Variants in PRKDC observed in about 807,000 individuals in gnomAD.
PRKDC encodes the protein DNA-dependent protein kinase catalytic subunit.
A neutral mutation model predicts 486.9 loss-of-function variants in PRKDC; 82 were observed. The observed-to-expected ratio is 0.17, with a 90% confidence interval of 0.14 to 0.20. The LOEUF is 0.20. Among genes scored for constraint, PRKDC ranks in the 10% least tolerant of loss-of-function variants. The pLI is 1.00. For missense variants in PRKDC, 4,504 were observed against 5,038.2 expected (o/e 0.89, Z 3.21); for synonymous variants, 1,895 against 1,837.0 (o/e 1.03, Z -0.81).
chr8:47,952,490 A>T (rs1414436825), intron 7 of PRKDC, among the ~76,000 whole-genome samples: 3 of 152,230 alleles, frequency 2.0e-5, no homozygotes, highest in African/African-American at 7.2e-5. Flanking sequence ...CTAAGTCAGT[A>T]GCACATTGGG....
intron 21 of PRKDC, among the ~76,000 whole-genome samples, chr8:47,919,819 T>C (rs1006372707): frequency 6.6e-6 from 1 of 151,926 alleles, no homozygotes; most frequent in South Asian, 2.1e-4. Context: ...GCATTTTCTA[T>C]GTCTGTTGGG....
intron 4 of PRKDC, among the ~76,000 whole-genome samples, chr8:47,955,384 C>A (rs1349804450): frequency 6.9e-5 from 10 of 144,550 alleles, no homozygotes; most frequent in African/African-American, 2.3e-4. Context: ...ATGGCGTGAA[C>A]CCGGGAGGCG....
intron 21 of PRKDC, among the ~76,000 whole-genome samples, chr8:47,919,463 A>G (rs552049049): frequency 6.6e-6 from 1 of 152,354 alleles, no homozygotes; most frequent in African/African-American, 2.4e-5. Context: ...CTGCAGAGTC[A>G]TAGTTCTACA....
At chr8:47,898,259 A>C (rs2089616824) in intron 29 of PRKDC, among the ~76,000 whole-genome samples, 3 of 152,248 alleles carry the variant, frequency 2.0e-5, no homozygotes, top group African/African-American at 7.2e-5. Flanking sequence ...AACCCAGATC[A>C]AATACCTTAT....
In PRKDC at chr8:47,900,440, A is replaced by C; in HGVS notation, c.3297T>G (p.Phe1099Leu). The change falls in exon 28 of 86, where the codon TTT becomes TTG. Residue 1099 changes from phenylalanine to leucine, a missense_variant. Physicochemically the swap from Phe to Leu is conservative, Grantham distance 22. Around this residue, in one of 6 missense-constraint regions of PRKDC, gnomAD observed 1,969 missense variants for 2,068.9 expected, o/e 0.95. Transcript: ENST00000314191. Reference sequence around the variant, plus strand: ...TGTATATCACCAAGGCTTCAAACACAAACTGTTCCACCAGAGACTCTTCTT... The same window carrying C: ...TGTATATCACCAAGGCTTCAAACACCAACTGTTCCACCAGAGACTCTTCTT... ...FREEESLVEQFVFEALVIYME... is the reference protein window; with the variant it reads ...FREEESLVEQLVFEALVIYME... 2 of 1,610,956 alleles carry C rather than the reference A, an allele frequency of 1.2e-6. No homozygotes were observed. Among genetic ancestry groups the C allele is most frequent in the Non-Finnish European group, 1.7e-6 (2 of 1,178,650 alleles).
chr8:47,906,052 G>T (rs1266393078), intron 25 of PRKDC, among the ~76,000 whole-genome samples: 1 of 152,212 alleles, frequency 6.6e-6, no homozygotes, highest in African/African-American at 2.4e-5. Context: ...CATTATACAT[G>T]AGAGTAAAAT....
chr8:47,878,246 C>A (rs959699100), intron 39 of PRKDC, among the ~76,000 whole-genome samples: 5 of 151,886 alleles, frequency 3.3e-5, no homozygotes, highest in African/African-American at 1.2e-4. Context: ...GCTGGGACTA[C>A]AGGCGCCCGC....
intron 48 of PRKDC, among the ~76,000 whole-genome samples, chr8:47,857,622 A>G (rs571885626): frequency 6.6e-6 from 1 of 152,232 alleles, no homozygotes; most frequent in South Asian, 2.1e-4. Flanking sequence ...GCTCTCTCAT[A>G]GCTCTCGAAG....
At chr8:47,844,175 C>T (rs1017550283) in intron 54 of PRKDC, among the ~76,000 whole-genome samples, 8 of 152,246 alleles carry the variant, frequency 5.3e-5, no homozygotes, top group African/African-American at 1.9e-4. Context: ...ACAACACCCA[C>T]AGGCTCAAAG....
chr8:47,939,014 C>T (rs907632239), intron 11 of PRKDC, among the ~76,000 whole-genome samples: 1 of 152,164 alleles, frequency 6.6e-6, no homozygotes, highest in African/African-American at 2.4e-5. Context: ...CTATTCTTCA[C>T]ACTTGGACTT....
At chr8:47,864,937 T>C (rs1297514755) in intron 40 of PRKDC, 174 bp from the exon 41 acceptor site, 6 of 518,122 alleles carry the variant, frequency 1.2e-5, no homozygotes, top group African/African-American at 1.9e-5. Flanking sequence ...ACATGAACCA[T>C]ACTACTTTTA....
chr8:47,913,881 G>A lies in PRKDC; in HGVS notation c.2781+20C>T. ...AAGCAATAGGATCTAAATAATGGGT[G>A]AAATGAAAAATAGAAGTACTTTAGT... On this transcript the variant is annotated intron_variant, in intron 24 of 85. Transcript: ENST00000314191. The A allele has an allele frequency of 1.3e-6, 2 of 1,580,902 alleles. No individual in the cohort carries two copies. The highest frequency in any genetic ancestry group is 1.4e-5 in the African/African-American group (1 of 73,658).
intron 73 of PRKDC, among the ~76,000 whole-genome samples, chr8:47,796,685 C>T (rs1376148706): frequency 1.3e-5 from 2 of 151,894 alleles, no homozygotes; most frequent in African/African-American, 4.8e-5. Context: ...CTGCAACCTC[C>T]ACCTCCTGGG....
At position 47,888,546 on chromosome 8, in the gene PRKDC, C is replaced by T. The variant is rs1464546688; in HGVS notation, c.4385G>A (p.Gly1462Glu). ...VSACKQLHRA[G>E]LLHNILPSQS... ...AGACGGTAATATATTATGCAGAAGC[C>T]CAGCTCTGTGAAGCTGTTTACAGGC... Residue 1462 changes from glycine (G) to glutamate (E), a missense_variant, in exon 34 of 86, where the codon GGG becomes GAG. Gly to Glu is a moderately conservative substitution (Grantham distance 98). Coordinates refer to ENST00000314191, the MANE Select transcript of PRKDC (RefSeq NM_006904.7). 1.9e-6 allele frequency: 3 copies of T among 1,575,678 alleles called. No homozygotes were observed. Among genetic ancestry groups the T allele is most frequent in the Non-Finnish European group, 2.6e-6 (3 of 1,159,956 alleles).
At chr8:47,888,440 T>A (rs2089382607) in intron 34 of PRKDC, 78 bp downstream of exon 34, 1 of 1,301,594 alleles carries the variant, frequency 7.7e-7, no homozygotes, top group East Asian at 2.7e-5. Flanking sequence ...TAAAGGACTT[T>A]TAAGAAATAA....
chr8:47,911,406 C>T (rs1345124197), intron 25 of PRKDC, among the ~76,000 whole-genome samples: 1 of 152,212 alleles, frequency 6.6e-6, no homozygotes, highest in Non-Finnish European at 1.5e-5. Context: ...GAAACTACTC[C>T]TAGTTTATCA....
intron 7 of PRKDC, among the ~76,000 whole-genome samples, chr8:47,952,610 C>T (rs1040170767): frequency 6.6e-6 from 1 of 152,082 alleles, no homozygotes; most frequent in Non-Finnish European, 1.5e-5. Context: ...AATCCCAGCA[C>T]TTTGGGAGAT....
chr8:47,928,611 G>C (rs1025407866), intron 19 of PRKDC, among the ~76,000 whole-genome samples: 1 of 151,192 alleles, frequency 6.6e-6, no homozygotes, highest in Non-Finnish European at 1.5e-5. Flanking sequence ...GGAGTGCAGT[G>C]GCACTATCTC....
intron 40 of PRKDC, among the ~76,000 whole-genome samples, chr8:47,877,059 C>T (rs2089106398): frequency 6.6e-6 from 1 of 152,164 alleles, no homozygotes; most frequent in African/African-American, 2.4e-5. Context: ...ACATAACTTT[C>T]CATTTACAGA....
Sources: allele counts gnomAD v4.1 joint callset (sites outside exome capture counted in the v4.1 genomes callset), GRCh38; gene constraint gnomAD v4.1.1; regional missense constraint gnomAD v4.1.1; transcripts MANE v1.5; gene names NCBI Gene and HGNC (gene_info 2026-07-23, HGNC 2026-07-21).